The following MALRD1 variants were observed in gnomAD, a reference collection of about 807,000 sequenced individuals.
MALRD1 encodes MAM and LDL-receptor class A domain-containing protein 1.
MALRD1 carries 247 observed loss-of-function variants against 242.1 expected under a neutral mutation model. The ratio of observed to expected loss-of-function variants is 1.02; its 90% CI spans 0.92 to 1.13. MALRD1 has a LOEUF of 1.13. Among genes scored for constraint, MALRD1 ranks in the 50% most tolerant of loss-of-function variants. The pLI is 0.00. For synonymous variants in MALRD1, 995 were observed against 866.6 expected (o/e 1.15, Z -2.60); for missense variants, 2,989 against 2,533.1 (o/e 1.18, Z -3.86).
Position 19,579,105 on chromosome 10 carries a change from C to T in MALRD1, c.5680+11402C>T, listed in dbSNP as rs114383068. On this transcript the variant is annotated intron_variant, in intron 33 of 39. Coordinates refer to ENST00000454679, the MANE Select transcript of MALRD1 (RefSeq NM_001142308.3). ...TCACATTCCTCAAAAGTTACTCTTC[C>T]GTTAAACATAGCTATGTTTGTCTTT... Among the ~76,000 whole-genome samples the T allele has an allele frequency of 3.4e-3, 519 of 152,246 alleles. 2 individuals are homozygous for T. Among genetic ancestry groups the T allele is most frequent in the African/African-American group, 0.012 (490 of 41,540 alleles).
chr10:19,675,395 A>G (rs1842098170), intron 36 of MALRD1, among the ~76,000 whole-genome samples: 1 of 152,172 alleles, frequency 6.6e-6, no homozygotes. Flanking sequence ...CTGAGCTTCA[A>G]TTTCCTCTGT....
intron 39 of MALRD1, 48 bp downstream of exon 39, chr10:19,730,829 T>C (rs1384530843): frequency 2.1e-6 from 3 of 1,436,630 alleles, no homozygotes; most frequent in Admixed American, 3.9e-5. Context: ...TGCACACACA[T>C]ACAAACACAC....
chr10:19,300,234 G>A (rs1023960035), intron 21 of MALRD1, among the ~76,000 whole-genome samples: 2 of 151,718 alleles, frequency 1.3e-5, no homozygotes, highest in Admixed American at 6.6e-5. Context: ...ACAAGCAAAC[G>A]GAAAAGAAAT....
At chr10:19,491,301 G>T in intron 29 of MALRD1, 1 of 709,006 alleles carries the variant, frequency 1.4e-6, no homozygotes, top group Non-Finnish European at 2.3e-6. Context: ...CACCATCAAA[G>T]TGCATAAAAG....
intron 2 of MALRD1, among the ~76,000 whole-genome samples, chr10:19,078,238 T>C (rs191265110): frequency 1.4e-3 from 218 of 152,100 alleles, no homozygotes; most frequent in Non-Finnish European, 2.5e-3. Flanking sequence ...GCCATGTTGG[T>C]GTGCTGCACC....
chr10:19,547,310 G>A (rs1835250971), intron 32 of MALRD1, among the ~76,000 whole-genome samples: 1 of 152,020 alleles, frequency 6.6e-6, no homozygotes, highest in Non-Finnish European at 1.5e-5. Context: ...GAGACATTCA[G>A]TGATGTTTAT....
intron 31 of MALRD1, among the ~76,000 whole-genome samples, chr10:19,506,192 A>G (rs902005818): frequency 1.3e-5 from 2 of 152,236 alleles, no homozygotes; most frequent in African/African-American, 4.8e-5. Context: ...TCTGTTGACT[A>G]TTGAAATTCT....
At chr10:19,625,934 A>G (rs1167138895) in intron 36 of MALRD1, among the ~76,000 whole-genome samples, 1 of 152,146 alleles carries the variant, frequency 6.6e-6, no homozygotes, top group Non-Finnish European at 1.5e-5. Context: ...CAAATATAAC[A>G]TAGTACTCAA....
At chr10:19,711,172 A>T (rs1469629640) in intron 38 of MALRD1, 1 of 152,022 alleles carries the variant, frequency 6.6e-6, no homozygotes, top group Non-Finnish European at 1.5e-5. Flanking sequence ...CTGTCACATC[A>T]TTTCTCCTTA....
At chr10:19,159,827 T>A (rs1252261800) in intron 12 of MALRD1, among the ~76,000 whole-genome samples, 1 of 152,110 alleles carries the variant, frequency 6.6e-6, no homozygotes, top group Non-Finnish European at 1.5e-5. Flanking sequence ...CCATATGCAG[T>A]AACTGGTGTA....
At chr10:19,154,086 G>T (rs912271711) in intron 11 of MALRD1, among the ~76,000 whole-genome samples, 1 of 151,986 alleles carries the variant, frequency 6.6e-6, no homozygotes, top group Non-Finnish European at 1.5e-5. Flanking sequence ...GAACTTGCTC[G>T]CATGCACTGT....
chr10:19,311,770 C>A (rs1842436409), intron 21 of MALRD1, among the ~76,000 whole-genome samples: 2 of 151,468 alleles, frequency 1.3e-5, no homozygotes, highest in South Asian at 4.2e-4. Flanking sequence ...TTTCACTATT[C>A]ATGTTCAAAT....
chr10:19,558,380 G>A (rs552905957), intron 32 of MALRD1, among the ~76,000 whole-genome samples: 21 of 152,124 alleles, frequency 1.4e-4, no homozygotes, highest in African/African-American at 2.4e-4. Flanking sequence ...TAGGTTCTTC[G>A]TCAATATTCT....
At chr10:19,492,100 C>G (rs1837519020) in intron 30 of MALRD1, among the ~76,000 whole-genome samples, 1 of 151,448 alleles carries the variant, frequency 6.6e-6, no homozygotes, top group South Asian at 2.1e-4. Context: ...AATTACATTG[C>G]ACTGGAGAAA....
At chr10:19,227,554 G>A (rs925049832) in intron 18 of MALRD1, among the ~76,000 whole-genome samples, 1 of 151,876 alleles carries the variant, frequency 6.6e-6, no homozygotes, top group Non-Finnish European at 1.5e-5. Flanking sequence ...TCTTACTATA[G>A]CTAAAAATTT....
chr10:19,327,527 A>G lies in MALRD1; in HGVS notation c.3577-36A>G, dbSNP rs958268983. On this transcript the variant is annotated intron_variant, in intron 22 of 39. Coordinates refer to ENST00000454679, the MANE Select transcript of MALRD1 (RefSeq NM_001142308.3). ...CATGTTTGCAATTTCTCAAGATAAA[A>G]TACTTCAGTGCCTTTTACTTGATTT... The G allele has an allele frequency of 3.4e-6, 5 of 1,482,450 alleles. No individual in the cohort carries two copies. The African/African-American group carries it at 7.0e-5, about 21-fold the overall frequency. 91.8% of individuals were successfully genotyped at this position (1,482,450 alleles called of 1,614,324 possible). A position where few individuals can be genotyped will look rare whatever the true frequency, so the allele number is the denominator to read the frequency against.
chr10:19,715,323 A>G (rs974068166), intron 38 of MALRD1, among the ~76,000 whole-genome samples: 2 of 151,088 alleles, frequency 1.3e-5, no homozygotes, highest in African/African-American at 2.4e-5. Flanking sequence ...ATTTATTAAT[A>G]TATTTTAAAA....
At chr10:19,701,071 C>G (rs901860400) in intron 38 of MALRD1, among the ~76,000 whole-genome samples, 1 of 152,104 alleles carries the variant, frequency 6.6e-6, no homozygotes, top group African/African-American at 2.4e-5. Context: ...ATTGCTTGAG[C>G]CTGGGAGGTC....
intron 14 of MALRD1, among the ~76,000 whole-genome samples, chr10:19,192,746 G>C (rs1348373170): frequency 2.7e-5 from 4 of 147,766 alleles, no homozygotes; most frequent in African/African-American, 9.8e-5. Flanking sequence ...GTGGTTGTTT[G>C]TTACATAGCA....
Sources: gnomAD v4.1 joint callset for allele counts (sites outside exome capture counted in the v4.1 genomes callset) on GRCh38, gnomAD v4.1.1 for gene constraint, MANE v1.5 for transcripts, NCBI Gene and HGNC (gene_info 2026-07-23, HGNC 2026-07-21) for gene names.